ARHGEF6: variants seen among roughly 807,000 people sequenced by gnomAD.
ARHGEF6 encodes the protein rho guanine nucleotide exchange factor 6.
ARHGEF6 carries 9 observed loss-of-function variants against 70.3 expected under a neutral mutation model. That is an observed-to-expected ratio of 0.13 (90% CI 0.08 to 0.22). ARHGEF6 has a LOEUF of 0.22. Among genes scored for constraint, ARHGEF6 ranks in the 10% least tolerant of loss-of-function variants. ARHGEF6 has a pLI of 1.00. For synonymous variants in ARHGEF6, 201 were observed against 207.8 expected, an observed-to-expected ratio of 0.97 and a Z score of 0.28; for missense variants, 470 against 563.0, an observed-to-expected ratio of 0.83 and a Z score of 1.67.
At chrX:136,760,505 G>A (rs1249709554) in intron 2 of ARHGEF6, among the ~76,000 whole-genome samples, 1 of 112,444 alleles carries the variant, frequency 8.9e-6, no homozygotes, top group Non-Finnish European at 1.9e-5. Flanking sequence ...CCAAATTAGA[G>A]TGAGTTAGAT....
At chrX:136,740,067 G>C (rs1936948277) in intron 5 of ARHGEF6, among the ~76,000 whole-genome samples, 2 of 110,866 alleles carry the variant, frequency 1.8e-5, no homozygotes, top group Admixed American at 9.5e-5. Flanking sequence ...GGAGTGCAGT[G>C]GCACGATCTC....
chrX:136,751,338 T>C (rs886944598), intron 2 of ARHGEF6, among the ~76,000 whole-genome samples: 3 of 111,888 alleles, frequency 2.7e-5, no homozygotes, highest in Non-Finnish European at 3.8e-5. Flanking sequence ...TCAACATGTA[T>C]GCTATTTTAT....
chrX:136,676,259 G>C (rs1419993615), intron 18 of ARHGEF6, among the ~76,000 whole-genome samples: 2 of 112,136 alleles, frequency 1.8e-5, no homozygotes, highest in African/African-American at 6.5e-5. Context: ...AAGGACTTCA[G>C]CCTTCGGGTC....
At chrX:136,691,812 T>TA (rs1055577641) in intron 9 of ARHGEF6, among the ~76,000 whole-genome samples, 9 of 111,737 alleles carry the variant, frequency 8.1e-5, no homozygotes, top group African/African-American at 2.9e-4. Flanking sequence ...ACTGCTTTCC[T>TA]ACCCAAGAGG....
chrX:136,746,174 A>G (rs1364050958), intron 3 of ARHGEF6, among the ~76,000 whole-genome samples: 1 of 112,301 alleles, frequency 8.9e-6, no homozygotes, highest in Non-Finnish European at 1.9e-5. Flanking sequence ...TATTTTATAA[A>G]TATCTGTGGC....
At position 136,713,375 on chromosome X, in the gene ARHGEF6, G is replaced by A; in HGVS notation, c.733-5C>T. On this transcript the variant is annotated splice_polypyrimidine_tract_variant and splice_region_variant and intron_variant, in intron 6 of 21. Coordinates refer to ENST00000250617, the MANE Select transcript of ARHGEF6 (RefSeq NM_004840.3). ...GTCCAGGATGTTCTGTAACACCTAT[G>A]GAAAAAAAAGTCAATGTATTATAAT... The A allele has an allele frequency of 1.7e-6, 2 of 1,160,854 alleles. No individual in the cohort carries two copies. Among genetic ancestry groups the A allele is most frequent in the Non-Finnish European group, 2.3e-6 (2 of 851,478 alleles).
In ARHGEF6 at chrX:136,687,790, G is replaced by A. The variant is rs1286160387; in HGVS notation, c.1245+142C>T. On this transcript the variant is annotated intron_variant, in intron 11 of 21. Transcript: ENST00000250617. Reference sequence around the variant, plus strand: ...TGATTTTTGGAGGACAAAATTAAGTGAAACAATCACTGCTATACTGTCATG... The same window carrying A: ...TGATTTTTGGAGGACAAAATTAAGTAAAACAATCACTGCTATACTGTCATG... The A allele has an allele frequency of 5.3e-6, 3 of 568,843 alleles. No individual in the cohort carries two copies. The African/African-American group carries it at 6.8e-5, about 13-fold the overall frequency. The allele number at this position is 568,843 out of a possible 1,213,427, so 46.9% of individuals were successfully genotyped here. A position where few individuals can be genotyped will look rare whatever the true frequency, so the allele number is the denominator to read the frequency against.
chrX:136,767,643 A>G (rs1285665621), intron 2 of ARHGEF6: 1 of 751,676 alleles, frequency 1.3e-6, no homozygotes, highest in Non-Finnish European at 1.6e-6. Context: ...AGTGGAGGGG[A>G]GCGACTGCCG....
Position 136,780,707 on chromosome X carries a change from A to G in ARHGEF6, c.165+11T>C. 8.3e-7 allele frequency: 1 copy of G among 1,208,376 alleles called. No homozygotes were observed. Among genetic ancestry groups the G allele is most frequent in the Non-Finnish European group, 1.1e-6 (1 of 892,669 alleles). ...ATAAGCAATCCCAAAGAGACTGCAA[A>G]TTTCCCTTACCTTTTCCACAGAGCC... On this transcript the variant is annotated intron_variant, in intron 1 of 21. Transcript: ENST00000250617.
At position 136,685,822 on chromosome X, in the gene ARHGEF6, C is replaced by T; in HGVS notation, c.1247G>A (p.Gly416Glu). The T allele has an allele frequency of 8.3e-7, 1 of 1,209,816 alleles. No individual in the cohort carries two copies. Among genetic ancestry groups the T allele is most frequent in the Non-Finnish European group, 1.1e-6 (1 of 894,299 alleles). The change falls in exon 12 of 22, where the codon GGG becomes GAG. Residue 416 changes from glycine (G) to glutamate (E), a missense_variant and splice_region_variant. By Grantham distance (98) the Gly-to-Glu change is moderately conservative (BLOSUM62 -2). Coordinates refer to ENST00000250617, the MANE Select transcript of ARHGEF6 (RefSeq NM_004840.3). ...TCTCTTCCTCAGATCTTGACATTGC[C>T]CCTACAGAACCAAAGCAGAACATAA... ...KAIVAFKTLM[G>E]QCQDLRKRKQ...
At chrX:136,741,625 A>G (rs2077044028) in intron 5 of ARHGEF6, among the ~76,000 whole-genome samples, 1 of 110,143 alleles carries the variant, frequency 9.1e-6, no homozygotes, top group Admixed American at 9.7e-5. Flanking sequence ...TCTGAACACT[A>G]GAATCTAGAA....
chrX:136,780,689 A>G (rs757849363), intron 1 of ARHGEF6, 29 bp downstream of exon 1: 1 of 1,182,778 alleles, frequency 8.5e-7, no homozygotes, highest in Admixed American at 2.2e-5. Flanking sequence ...GTGATAAGCA[A>G]TCCCAAAGAG....
intron 5 of ARHGEF6, among the ~76,000 whole-genome samples, chrX:136,736,037 G>T (rs914461182): frequency 8.9e-6 from 1 of 112,095 alleles, no homozygotes; most frequent in African/African-American, 3.2e-5. Context: ...GGAGAAAATA[G>T]AATTTGTTTA....
chrX:136,721,999 C>G (rs2076802786), intron 6 of ARHGEF6, among the ~76,000 whole-genome samples: 1 of 110,654 alleles, frequency 9.0e-6, no homozygotes, highest in Non-Finnish European at 1.9e-5. Flanking sequence ...TTAGTCATTC[C>G]ACAATGACTA....
At chrX:136,739,116 TATC>T (rs1016818142) in intron 5 of ARHGEF6, among the ~76,000 whole-genome samples, 3 of 111,650 alleles carry the variant, frequency 2.7e-5, no homozygotes, top group African/African-American at 9.8e-5. Flanking sequence ...TCCCATTCCT[TATC>T]ATCATGCATC....
At chrX:136,729,424 T>G (rs1232355186) in intron 6 of ARHGEF6, among the ~76,000 whole-genome samples, 1 of 85,664 alleles carries the variant, frequency 1.2e-5, no homozygotes, top group African/African-American at 4.9e-5. Context: ...GCCAAGATCA[T>G]GCCACTGCAC....
At chrX:136,677,125 T>A (rs1256736638) in intron 17 of ARHGEF6, among the ~76,000 whole-genome samples, 1 of 112,507 alleles carries the variant, frequency 8.9e-6, no homozygotes, top group African/African-American at 3.2e-5. Context: ...TAACCACTAA[T>A]GTAGTAATGA....
intron 2 of ARHGEF6, among the ~76,000 whole-genome samples, chrX:136,757,005 C>G (rs1463640683): frequency 8.9e-6 from 1 of 112,278 alleles, no homozygotes; most frequent in African/African-American, 3.2e-5. Context: ...CAAAACACAG[C>G]AAAGGCATCC....
intron 2 of ARHGEF6, among the ~76,000 whole-genome samples, chrX:136,753,767 A>G (rs1490085234): frequency 2.7e-5 from 3 of 112,103 alleles, no homozygotes; most frequent in Non-Finnish European, 5.6e-5. Flanking sequence ...AAGAGAGTCT[A>G]GGGTATTGCA....
Sources: allele counts gnomAD v4.1 joint callset (sites outside exome capture counted in the v4.1 genomes callset), GRCh38; gene constraint gnomAD v4.1.1; transcripts MANE v1.5; gene names NCBI Gene and HGNC (gene_info 2026-07-23, HGNC 2026-07-21).